Variants in CNTN5 observed in about 807,000 individuals in gnomAD.
The protein encoded by CNTN5 is contactin 5.
In CNTN5, 77 loss-of-function variants were observed where a neutral mutation model predicts 129.1. The observed-to-expected ratio is 0.60, with a 90% CI of 0.50 to 0.72. The LOEUF is 0.72. Among genes scored for constraint, CNTN5 ranks in the 30% least tolerant of loss-of-function variants. The probability of loss-of-function intolerance (pLI) is 0.00; values close to 1 mark genes in which losing one functional copy is unlikely to be tolerated. For synonymous variants in CNTN5, 509 were observed against 465.6 expected, an observed-to-expected ratio of 1.09 and a Z score of -1.20; for missense variants, 1,478 against 1,328.8, an observed-to-expected ratio of 1.11 and a Z score of -1.75.
intron 16 of CNTN5, 71 bp from the exon 17 acceptor site, chr11:100,255,689 T>C: frequency 1.5e-6 from 2 of 1,366,828 alleles, no homozygotes; most frequent in Non-Finnish European, 2.1e-6. Context: ...TGCTACATAT[T>C]GGAAATATAA....
At chr11:99,695,364 A>G (rs1399581798) in intron 3 of CNTN5, among the ~76,000 whole-genome samples, 1 of 151,984 alleles carries the variant, frequency 6.6e-6, no homozygotes, top group African/African-American at 2.4e-5. Context: ...CAGTGTGTAT[A>G]TTTTCAAATG....
intron 2 of CNTN5, among the ~76,000 whole-genome samples, chr11:99,402,982 A>G (rs1170209016): frequency 6.6e-6 from 1 of 150,602 alleles, no homozygotes; most frequent in Non-Finnish European, 1.5e-5. Flanking sequence ...TAGTCTGGCT[A>G]AAAGTTTGTC....
chr11:100,137,804 T>G (rs546075159), intron 13 of CNTN5, among the ~76,000 whole-genome samples: 38 of 152,240 alleles, frequency 2.5e-4, no homozygotes, highest in African/African-American at 8.9e-4. Context: ...AACAAAATTA[T>G]GCAAAAGATG....
In CNTN5 at chr11:99,512,102, T is replaced by G. The variant is rs12576403; in HGVS notation, c.-70-44043T>G. Among the ~76,000 whole-genome samples, 6 of 152,268 alleles carry G rather than the reference T, an allele frequency of 3.9e-5. No homozygotes were observed. In the South Asian group the frequency reaches 1.0e-3, roughly 26 times the overall value. Reference sequence around the variant, plus strand: ...TACAGTAATGTCCTAGGGCTTCACATTCACTCCCATTCACTCCTGAACTCA... The same window carrying G: ...TACAGTAATGTCCTAGGGCTTCACAGTCACTCCCATTCACTCCTGAACTCA... On this transcript the variant is annotated intron_variant, in intron 2 of 24. Coordinates refer to ENST00000524871, the MANE Select transcript of CNTN5 (RefSeq NM_014361.4).
chr11:99,874,912 A>G (rs1948594151), intron 6 of CNTN5, among the ~76,000 whole-genome samples: 1 of 152,144 alleles, frequency 6.6e-6, no homozygotes, highest in Non-Finnish European at 1.5e-5. Context: ...AATGACCCTA[A>G]TAGTCTGTGC....
chr11:99,277,002 T>C (rs1863471122), intron 1 of CNTN5, among the ~76,000 whole-genome samples: 1 of 151,620 alleles, frequency 6.6e-6, no homozygotes, highest in South Asian at 2.1e-4. Flanking sequence ...TCTACTCATT[T>C]ATTTCTATTA....
At chr11:99,631,788 C>T (rs760443029) in intron 3 of CNTN5, among the ~76,000 whole-genome samples, 1 of 152,060 alleles carries the variant, frequency 6.6e-6, no homozygotes, top group Non-Finnish European at 1.5e-5. Context: ...TAACTGGAAT[C>T]TAGTAGTCTC....
chr11:99,606,510 T>C (rs1372542327), intron 3 of CNTN5, among the ~76,000 whole-genome samples: 1 of 142,822 alleles, frequency 7.0e-6, no homozygotes, highest in Admixed American at 6.9e-5. Flanking sequence ...ATCGTGAAAA[T>C]GGCCATACTG....
intron 17 of CNTN5, among the ~76,000 whole-genome samples, chr11:100,263,565 C>T (rs11223453): frequency 0.19 from 29,199 of 151,922 alleles, 3,222 homozygotes; most frequent in Middle Eastern, 0.28. Flanking sequence ...GATAATTGCT[C>T]ATATCAGCCT....
intron 1 of CNTN5, among the ~76,000 whole-genome samples, chr11:99,133,413 A>C (rs1485062963): frequency 6.6e-6 from 1 of 152,052 alleles, no homozygotes; most frequent in African/African-American, 2.4e-5. Context: ...AATGGGATCT[A>C]ATTAAATGAA....
intron 1 of CNTN5, among the ~76,000 whole-genome samples, chr11:99,037,592 T>C (rs76033791): frequency 6.8e-6 from 1 of 147,366 alleles, no homozygotes; most frequent in African/African-American, 2.5e-5. Context: ...TTTTTTTTTT[T>C]TTTTTTAACA....
At chr11:99,776,788 A>G (rs1330927968) in intron 3 of CNTN5, among the ~76,000 whole-genome samples, 1 of 151,660 alleles carries the variant, frequency 6.6e-6, no homozygotes, top group Non-Finnish European at 1.5e-5. Context: ...CTCAATGACA[A>G]TTAAAAAAAA....
At chr11:99,559,074 TA>T (rs1948759755) in intron 3 of CNTN5, among the ~76,000 whole-genome samples, 1 of 152,132 alleles carries the variant, frequency 6.6e-6, no homozygotes, top group South Asian at 2.1e-4. Flanking sequence ...GGTTAATGCT[TA>T]CACTCTATAT....
chr11:99,558,921 A>G (rs1194698351), intron 3 of CNTN5, among the ~76,000 whole-genome samples: 1 of 151,998 alleles, frequency 6.6e-6, no homozygotes, highest in East Asian at 1.9e-4. Flanking sequence ...TTTGCTGTAG[A>G]TATCTGTTTA....
chr11:99,065,672 C>T (rs1865070889), intron 1 of CNTN5, among the ~76,000 whole-genome samples: 1 of 151,772 alleles, frequency 6.6e-6, no homozygotes, highest in African/African-American at 2.4e-5. Context: ...GTTTTAAAGG[C>T]TACATGCACT....
At chr11:100,317,782 C>T (rs777121571) in intron 21 of CNTN5, among the ~76,000 whole-genome samples, 1 of 152,098 alleles carries the variant, frequency 6.6e-6, no homozygotes, top group Non-Finnish European at 1.5e-5. Context: ...ATTCTAGATG[C>T]ATGGCTTCAT....
chr11:100,284,703 C>T (rs779062772), intron 18 of CNTN5, among the ~76,000 whole-genome samples: 48 of 152,188 alleles, frequency 3.2e-4, no homozygotes, highest in South Asian at 4.1e-4. Context: ...TAGTTAACTA[C>T]GTAACTTGTC....
intron 2 of CNTN5, among the ~76,000 whole-genome samples, chr11:99,362,594 A>C (rs1459394059): frequency 6.6e-6 from 1 of 151,844 alleles, no homozygotes; most frequent in African/African-American, 2.4e-5. Context: ...TTTTCTTCTA[A>C]GAGTTTTATA....
intron 1 of CNTN5, among the ~76,000 whole-genome samples, chr11:99,117,408 A>T (rs955934328): frequency 6.6e-5 from 10 of 152,084 alleles, no homozygotes; most frequent in African/African-American, 2.4e-4. Context: ...TGATTCTAAC[A>T]CGACCAGTTT....
Sources: gnomAD v4.1 joint callset for allele counts (sites outside exome capture counted in the v4.1 genomes callset) on GRCh38, gnomAD v4.1.1 for gene constraint, MANE v1.5 for transcripts, NCBI Gene and HGNC (gene_info 2026-07-23, HGNC 2026-07-21) for gene names.